Variants in NEK11 observed in about 807,000 individuals in gnomAD.
The protein encoded by NEK11 is NIMA related kinase 11.
Under a neutral mutation model 80.7 loss-of-function variants are expected in NEK11, and 72 were observed. The ratio of observed to expected loss-of-function variants is 0.89; its 90% confidence interval spans 0.74 to 1.08. The LOEUF is 1.08. Ranked by LOEUF, NEK11 falls within the 50% of genes least tolerant of loss-of-function variation. The pLI, the probability that NEK11 is intolerant of heterozygous loss-of-function variation, is 0.00. For missense variants in NEK11, 764 were observed against 763.6 expected, an observed-to-expected ratio of 1.00 and a Z score of -0.01; for synonymous variants, 251 against 260.7, an observed-to-expected ratio of 0.96 and a Z score of 0.36.
chr3:131,030,579 A>G (rs2064691542), intron 3 of NEK11, among the ~76,000 whole-genome samples: 1 of 152,248 alleles, frequency 6.6e-6, no homozygotes, highest in Non-Finnish European at 1.5e-5. Context: ...TGAATAGGGT[A>G]TACCAAAGAA....
chr3:131,340,293 A>G (rs777647489), intron 17 of NEK11, among the ~76,000 whole-genome samples: 2 of 152,184 alleles, frequency 1.3e-5, no homozygotes, highest in Non-Finnish European at 2.9e-5. Flanking sequence ...TATTCCTGTA[A>G]CTTTTCTGTA....
chr3:131,316,865 G>A (rs958027036), intron 17 of NEK11, among the ~76,000 whole-genome samples: 8 of 152,068 alleles, frequency 5.3e-5, no homozygotes, highest in Non-Finnish European at 2.9e-5. Flanking sequence ...CTATTACACA[G>A]GAAGAATTAA....
chr3:131,307,947 TAATTAA>T (rs1189142706), intron 17 of NEK11, among the ~76,000 whole-genome samples: 1 of 152,262 alleles, frequency 6.6e-6, no homozygotes, highest in African/African-American at 2.4e-5. Flanking sequence ...CTGTTGGTTT[TAATTAA>T]AATTAAATGT....
intron 4 of NEK11, among the ~76,000 whole-genome samples, chr3:131,090,382 GA>G (rs1578114443): frequency 6.6e-6 from 1 of 152,140 alleles, no homozygotes; most frequent in East Asian, 1.9e-4. Flanking sequence ...CTTAGTGAAG[GA>G]AAACATTTTT....
intron 4 of NEK11, among the ~76,000 whole-genome samples, chr3:131,090,924 G>C (rs1035773405): frequency 6.6e-6 from 1 of 152,086 alleles, no homozygotes; most frequent in South Asian, 2.1e-4. Context: ...CACCAGGCTG[G>C]GCTAATTTTA....
At chr3:131,323,102 T>G (rs771661317) in intron 17 of NEK11, among the ~76,000 whole-genome samples, 2 of 152,180 alleles carry the variant, frequency 1.3e-5, no homozygotes, top group Non-Finnish European at 2.9e-5. Flanking sequence ...AAGGGCCTCT[T>G]GCAAATGTTT....
At chr3:131,192,385 C>CA (rs1297525971) in intron 14 of NEK11, among the ~76,000 whole-genome samples, 1 of 152,048 alleles carries the variant, frequency 6.6e-6, no homozygotes, top group East Asian at 1.9e-4. Context: ...GGTGATTCGT[C>CA]AAAAAATTAA....
intron 7 of NEK11, among the ~76,000 whole-genome samples, chr3:131,147,281 A>G (rs997002490): frequency 6.6e-6 from 1 of 152,106 alleles, no homozygotes; most frequent in African/African-American, 2.4e-5. Context: ...GTTTTTTTCT[A>G]TATGAATATT....
intron 3 of NEK11, among the ~76,000 whole-genome samples, chr3:131,059,446 T>G (rs2070381679): frequency 6.6e-6 from 1 of 152,240 alleles, no homozygotes; most frequent in Admixed American, 6.5e-5. Context: ...CATATTTTCC[T>G]GAACTTTAGA....
chr3:131,297,630 G>A lies in NEK11; in HGVS notation c.1718+24056G>A, dbSNP rs1243290131. On this transcript the variant is annotated intron_variant, in intron 17 of 17. Coordinates refer to ENST00000383366, the MANE Select transcript of NEK11 (RefSeq NM_024800.5). ...TTGTAGGTTTCCTGTTCACTCTGAT[G>A]GTAGTTTCTTTTGCTGTGCAGAAGC... 4.6e-5 allele frequency among the ~76,000 whole-genome samples: 7 copies of A among 152,176 alleles called. No individual in the cohort carries two copies. The East Asian group carries it at 9.7e-4, about 21-fold the overall frequency.
intron 17 of NEK11, among the ~76,000 whole-genome samples, chr3:131,314,516 T>C (rs772159308): frequency 6.6e-6 from 1 of 152,204 alleles, no homozygotes; most frequent in Non-Finnish European, 1.5e-5. Context: ...AATCTCTCTT[T>C]AGCACTTCCT....
intron 9 of NEK11, among the ~76,000 whole-genome samples, chr3:131,154,645 C>T (rs2090329552): frequency 6.6e-6 from 1 of 152,080 alleles, no homozygotes; most frequent in South Asian, 2.1e-4. Context: ...TTTTGGTGCC[C>T]TCTTAGATTT....
chr3:131,148,921 A>G (rs972415579), intron 7 of NEK11, among the ~76,000 whole-genome samples: 15 of 151,960 alleles, frequency 9.9e-5, no homozygotes, highest in Admixed American at 5.3e-4. Flanking sequence ...CAAGCTTACA[A>G]TGCATAATGA....
chr3:131,322,490 G>GT (rs2096907538), intron 17 of NEK11, among the ~76,000 whole-genome samples: 1 of 152,180 alleles, frequency 6.6e-6, no homozygotes, highest in African/African-American at 2.4e-5. Flanking sequence ...GTTCATAGTT[G>GT]TAACTACTTT....
intron 16 of NEK11, among the ~76,000 whole-genome samples, chr3:131,248,503 T>A (rs2095643522): frequency 6.6e-6 from 1 of 152,114 alleles, no homozygotes; most frequent in South Asian, 2.1e-4. Context: ...TCCTGGAGCC[T>A]TTCTTTCTTA....
chr3:131,301,367 C>A (rs1383167472), intron 17 of NEK11, among the ~76,000 whole-genome samples: 2 of 151,918 alleles, frequency 1.3e-5, no homozygotes, highest in South Asian at 2.1e-4. Flanking sequence ...CCTTTTATTT[C>A]TTTGTCTTTC....
At chr3:131,217,426 G>T (rs1049152061) in intron 14 of NEK11, among the ~76,000 whole-genome samples, 2 of 152,096 alleles carry the variant, frequency 1.3e-5, no homozygotes, top group Non-Finnish European at 2.9e-5. Context: ...TGAAGGACAG[G>T]TGACCTCTGC....
chr3:131,182,057 G>A (rs1192480697), intron 14 of NEK11, among the ~76,000 whole-genome samples: 1 of 150,134 alleles, frequency 6.7e-6, no homozygotes, highest in African/African-American at 2.4e-5. Context: ...CTCAGTACCA[G>A]ATACTAATTG....
Position 131,324,819 on chromosome 3 carries a change from T to C in NEK11, c.1719-24738T>C, listed in dbSNP as rs534447329. Among the ~76,000 whole-genome samples, 3 of 152,286 alleles carry C rather than the reference T, an allele frequency of 2.0e-5. No homozygotes were observed. The East Asian group carries it at 5.8e-4, about 29-fold the overall frequency. On this transcript the variant is annotated intron_variant, in intron 17 of 17. Transcript: ENST00000383366. The stretch of plus-strand genomic sequence containing the variant: ...AGACAACTCCTTCCCCCTCTGAGCA[T>C]TGGTTTTCTTGTCCATAAAATGAAG...
Sources: allele counts gnomAD v4.1 joint callset (sites outside exome capture counted in the v4.1 genomes callset), GRCh38; gene constraint gnomAD v4.1.1; transcripts MANE v1.5; gene names NCBI Gene and HGNC (gene_info 2026-07-23, HGNC 2026-07-21).